STN1: variants seen among roughly 807,000 people sequenced by gnomAD.
The protein encoded by STN1 is STN1 subunit of CST complex.
Under a neutral mutation model 45.5 loss-of-function variants are expected in STN1, and 29 were observed. The ratio of observed to expected loss-of-function variants is 0.64; its 90% CI spans 0.47 to 0.87. STN1 has a LOEUF of 0.87. Ranked by LOEUF, STN1 falls within the 40% of genes least tolerant of loss-of-function variation. The probability of loss-of-function intolerance (pLI) is 0.00; values close to 1 mark genes in which losing one functional copy is unlikely to be tolerated. For synonymous variants in STN1, 148 were observed against 159.0 expected, an observed-to-expected ratio of 0.93 and a Z score of 0.52; for missense variants, 376 against 441.4, an observed-to-expected ratio of 0.85 and a Z score of 1.33.
At chr10:103,894,691 C>CAAA (rs75334190) in intron 7 of STN1, among the ~76,000 whole-genome samples, 3 of 106,514 alleles carry the variant, frequency 2.8e-5, no homozygotes, top group Non-Finnish European at 5.8e-5. Context: ...TGCTCACAGG[C>CAAA]AAAAAAAAAA....
At chr10:103,884,257 C>A in intron 9 of STN1, among the ~76,000 whole-genome samples, 1 of 152,050 alleles carries the variant, frequency 6.6e-6, no homozygotes, top group South Asian at 2.1e-4. Flanking sequence ...TTTAGGTCGT[C>A]GGCAGTAGTC....
chr10:103,896,222 C>T (rs1026727093), intron 7 of STN1, among the ~76,000 whole-genome samples: 31 of 152,192 alleles, frequency 2.0e-4, no homozygotes, highest in African/African-American at 7.5e-4. Context: ...ATGCCAGCCC[C>T]GTTCTAGGCC....
At chr10:103,886,709 T>C (rs1003236387) in intron 9 of STN1, among the ~76,000 whole-genome samples, 3 of 152,216 alleles carry the variant, frequency 2.0e-5, no homozygotes, top group Admixed American at 6.5e-5. Flanking sequence ...TTTAATACTT[T>C]TTGGATCATA....
Position 103,882,697 on chromosome 10 carries a change from T to C in STN1, c.1094A>G (p.Tyr365Cys), listed in dbSNP as rs935996262. 1 of 1,613,404 alleles carries C rather than the reference T, an allele frequency of 6.2e-7. No individual in the cohort carries two copies. The highest frequency in any genetic ancestry group is 8.5e-7 in the Non-Finnish European group (1 of 1,179,592). Residue 365 changes from tyrosine to cysteine, a missense_variant, in exon 10 of 10, where the codon TAC becomes TGC. Tyr to Cys is a radical substitution (Grantham distance 194). Coordinates refer to ENST00000224950, the MANE Select transcript of STN1 (RefSeq NM_024928.5). ...GCGTGTCTCTGCTCAGAACGCTGTG[T>C]AGTAGTGCTCCATTGTGCTGACAAT... ...SDIVSTMEHY[Y>C]TAF
At chr10:103,890,426 TCAGAGA>T (rs1843132555) in intron 8 of STN1, among the ~76,000 whole-genome samples, 1 of 152,146 alleles carries the variant, frequency 6.6e-6, no homozygotes, top group Non-Finnish European at 1.5e-5. Context: ...AGAGATGAAG[TCAGAGA>T]TGGCGACAAG....
chr10:103,909,039 C>G (rs895774230), intron 3 of STN1, among the ~76,000 whole-genome samples: 13 of 151,862 alleles, frequency 8.6e-5, no homozygotes, highest in Admixed American at 8.5e-4. Context: ...AGTTACTAAG[C>G]CTTAGTTTTC....
At chr10:103,909,667 T>C (rs1177554751) in intron 3 of STN1, among the ~76,000 whole-genome samples, 1 of 151,810 alleles carries the variant, frequency 6.6e-6, no homozygotes, top group Non-Finnish European at 1.5e-5. Context: ...AATAATATTG[T>C]ATCTACAAAT....
At chr10:103,888,455 G>C (rs972754041) in intron 9 of STN1, among the ~76,000 whole-genome samples, 2 of 152,154 alleles carry the variant, frequency 1.3e-5, no homozygotes, top group African/African-American at 4.8e-5. Flanking sequence ...ATTGTTCCTT[G>C]TCAGAGTAGC....
At chr10:103,890,477 G>A (rs1052503758) in intron 8 of STN1, among the ~76,000 whole-genome samples, 6 of 152,214 alleles carry the variant, frequency 3.9e-5, no homozygotes, top group Non-Finnish European at 8.8e-5. Context: ...TGATTCACAG[G>A]AGGAAGTACC....
intron 7 of STN1, among the ~76,000 whole-genome samples, chr10:103,894,523 G>A (rs1843158706): frequency 6.6e-6 from 1 of 152,114 alleles, no homozygotes; most frequent in African/African-American, 2.4e-5. Context: ...CTGACCCTGG[G>A]ACATATTTCC....
At chr10:103,902,417 G>A (rs1430451450) in intron 4 of STN1, among the ~76,000 whole-genome samples, 1 of 152,318 alleles carries the variant, frequency 6.6e-6, no homozygotes, top group East Asian at 1.9e-4. Flanking sequence ...CAGACTGATG[G>A]TTGGTCTGAG....
intron 9 of STN1, among the ~76,000 whole-genome samples, chr10:103,884,636 G>A (rs1034116598): frequency 6.6e-6 from 1 of 152,144 alleles, no homozygotes; most frequent in Non-Finnish European, 1.5e-5. Context: ...GTCACTGAAA[G>A]TTGTTTACAG....
chr10:103,914,085 G>A (rs1030170082), intron 2 of STN1, among the ~76,000 whole-genome samples: 3 of 151,892 alleles, frequency 2.0e-5, no homozygotes, highest in Admixed American at 6.6e-5. Context: ...TTATTTAATC[G>A]ATGCTATGTT....
At position 103,879,313 on chromosome 10, in the gene STN1, A is replaced by T. The variant is rs1192835128; in HGVS notation, c.*3371T>A. The T allele has an allele frequency of 6.6e-6, 1 of 152,388 alleles. No individual in the cohort carries two copies. Among genetic ancestry groups the T allele is most frequent in the East Asian group, 1.9e-4 (1 of 5,198 alleles). The allele number at this position is 152,388 out of a possible 1,614,324, so 9.4% of individuals were successfully genotyped here. ...TGTCTATTGGGGGAAAATAATAAAC[A>T]GGGCAAGTAAGAAACCATGGAGTGT... is the stretch of plus-strand genomic sequence containing the variant. On this transcript the variant is annotated 3_prime_UTR_variant, in exon 10 of 10. Transcript: ENST00000224950.
At chr10:103,892,321 T>G in intron 7 of STN1, 69 bp from the exon 8 acceptor site, 4 of 1,408,162 alleles carry the variant, frequency 2.8e-6, no homozygotes, top group South Asian at 1.4e-5. Flanking sequence ...GAACAACTCC[T>G]AGACCAACTG....
chr10:103,899,390 T>C (rs1353753203), intron 5 of STN1, among the ~76,000 whole-genome samples: 1 of 152,236 alleles, frequency 6.6e-6, no homozygotes, highest in Non-Finnish European at 1.5e-5. Context: ...GTTAATGGAC[T>C]TAATGGTATT....
chr10:103,895,493 A>T (rs548221181), intron 7 of STN1, among the ~76,000 whole-genome samples: 1 of 152,246 alleles, frequency 6.6e-6, no homozygotes, highest in African/African-American at 2.4e-5. Flanking sequence ...TTAAGTGGGA[A>T]GAAGGTCAAT....
At position 103,893,201 on chromosome 10, in the gene STN1, C is replaced by G. The variant is rs371062817; in HGVS notation, c.754-949G>C. Among the ~76,000 whole-genome samples, 33 of 151,898 alleles carry G rather than the reference C, an allele frequency of 2.2e-4. 1 individual carries two copies. In the East Asian group the frequency reaches 6.4e-3, roughly 29 times the overall value. ...ATCCTTTTTTTTTTTGAGACAGAGT[C>G]TCTGTCGCCCAGGCTGGAGTGCAGT... On this transcript the variant is annotated intron_variant, in intron 7 of 9. Coordinates refer to ENST00000224950, the MANE Select transcript of STN1 (RefSeq NM_024928.5).
In STN1 at chr10:103,881,590, G is replaced by A. The variant is rs374603914; in HGVS notation, c.*1094C>T. On this transcript the variant is annotated 3_prime_UTR_variant, in exon 10 of 10. Coordinates refer to ENST00000224950, the MANE Select transcript of STN1 (RefSeq NM_024928.5). ...CGTATAAAGACTGTCCTGTTTCCAC[G>A]GAGAGAGGAGCAACTCTCCAGGCCT... Among the ~76,000 whole-genome samples the A allele has an allele frequency of 7.5e-4, 114 of 152,292 alleles. No individual in the cohort carries two copies. Among genetic ancestry groups the A allele is most frequent in the African/African-American group, 2.5e-3 (104 of 41,558 alleles).
Sources: allele counts gnomAD v4.1 joint callset (sites outside exome capture counted in the v4.1 genomes callset), GRCh38; gene constraint gnomAD v4.1.1; transcripts MANE v1.5; gene names NCBI Gene and HGNC (gene_info 2026-07-23, HGNC 2026-07-21).